The following ACSL5 variants were observed in gnomAD, a reference collection of about 807,000 sequenced individuals.
ACSL5 encodes the protein acyl-CoA synthetase long chain family member 5.
A neutral mutation model predicts 84.9 loss-of-function variants in ACSL5; 50 were observed. That is an observed-to-expected ratio of 0.59 (90% CI 0.47 to 0.75). The LOEUF is 0.75. Among genes scored for constraint, ACSL5 ranks in the 30% least tolerant of loss-of-function variants. The pLI, the probability that ACSL5 is intolerant of heterozygous loss-of-function variation, is 0.00. For missense variants in ACSL5, 775 were observed against 830.4 expected, an observed-to-expected ratio of 0.93 and a Z score of 0.82; for synonymous variants, 280 against 300.7, an observed-to-expected ratio of 0.93 and a Z score of 0.71.
chr10:112,411,528 AGGTCAGT>A lies in ACSL5; in HGVS notation c.870+7_870+13del. 6.2e-7 allele frequency: 1 copy of A among 1,612,508 alleles called. No individual in the cohort carries two copies. The highest frequency in any genetic ancestry group is 1.1e-5 in the South Asian group (1 of 91,046). ...GCTGCTGCCTTTCTCAAATGTGTGG[AGGTCAGT>A]GGTCAGTTGAAAAAGAGGCTCTCAT... is the stretch of plus-strand genomic sequence containing the variant. On this transcript the variant is annotated splice_donor_variant and splice_donor_5th_base_variant and coding_sequence_variant and intron_variant, in exon 10 of 21. Transcript: ENST00000354655. LOFTEE classifies it high-confidence loss of function.
rs754570495 is a variant in ACSL5 at position 112,408,495 on chromosome 10, A to C, written c.506A>C (p.Glu169Ala). 3.7e-6 allele frequency: 6 copies of C among 1,612,708 alleles called. No homozygotes were observed. The highest frequency in any genetic ancestry group is 4.5e-5 in the East Asian group (2 of 44,876). The change falls in exon 6 of 21, where the codon GAA (glutamate) becomes GCA (alanine). Residue 169 changes from glutamate to alanine, a missense_variant. Glu to Ala is a moderately radical substitution (Grantham distance 107). Transcript: ENST00000354655. ...CCTCTGTATGACACCTTGGGACCAG[A>C]AGCCATCGTACATATTGTCAACAAG... ...AVPLYDTLGP[E>A]AIVHIVNKAD...
intron 3 of ACSL5, among the ~76,000 whole-genome samples, chr10:112,399,921 GC>G (rs2133602909): frequency 6.6e-6 from 1 of 152,332 alleles, no homozygotes; most frequent in South Asian, 2.1e-4. Flanking sequence ...AAATGTCAGA[GC>G]TGATAGGAAA....
intron 12 of ACSL5, among the ~76,000 whole-genome samples, chr10:112,414,329 AT>A (rs201652931): frequency 4.0e-5 from 5 of 125,882 alleles, no homozygotes; most frequent in African/African-American, 5.9e-5. Flanking sequence ...TAATTTTCAG[AT>A]TTTTTTTTAA....
intron 14 of ACSL5, 119 bp downstream of exon 14, chr10:112,418,060 A>C: frequency 1.3e-6 from 1 of 765,118 alleles, no homozygotes; most frequent in African/African-American, 1.8e-5. Context: ...TAAATTCTCA[A>C]AATCCAAAGA....
intron 1 of ACSL5, among the ~76,000 whole-genome samples, chr10:112,388,504 G>A (rs1849497223): frequency 6.6e-6 from 1 of 152,104 alleles, no homozygotes; most frequent in African/African-American, 2.4e-5. Context: ...GTACTGCAGG[G>A]AAAATGAGTT....
At chr10:112,398,877 C>T (rs1284654262) in intron 2 of ACSL5, 24 bp from the exon 3 acceptor site, 1 of 1,601,156 alleles carries the variant, frequency 6.2e-7, no homozygotes, top group South Asian at 1.1e-5. Flanking sequence ...TTGAACTTGG[C>T]CTAAACTTGG....
chr10:112,389,414 C>T (rs1336894035), intron 1 of ACSL5, among the ~76,000 whole-genome samples: 1 of 152,144 alleles, frequency 6.6e-6, no homozygotes, highest in Non-Finnish European at 1.5e-5. Flanking sequence ...GTCACCATCA[C>T]CACGTCAAAA....
At position 112,427,520 on chromosome 10, in the gene ACSL5, A is replaced by T. The variant is rs1388384410; in HGVS notation, c.*162A>T. The T allele has an allele frequency of 3.6e-6, 2 of 551,246 alleles. No homozygotes were observed. The highest frequency in any genetic ancestry group is 5.8e-6 in the Non-Finnish European group (2 of 343,884). 34.1% of individuals were successfully genotyped at this position (551,246 alleles called of 1,614,324 possible). On this transcript the variant is annotated 3_prime_UTR_variant, in exon 21 of 21. Coordinates refer to ENST00000354655, the MANE Select transcript of ACSL5 (RefSeq NM_203379.2). Reference sequence around the variant, plus strand: ...TTATATTGAGACATATAATGTGTAAACTTAGTTCCCAAATAAATCAATCCT... The same window carrying T: ...TTATATTGAGACATATAATGTGTAATCTTAGTTCCCAAATAAATCAATCCT...
intron 12 of ACSL5, among the ~76,000 whole-genome samples, chr10:112,415,570 T>C (rs1257656363): frequency 6.6e-6 from 1 of 152,224 alleles, no homozygotes; most frequent in East Asian, 1.9e-4. Flanking sequence ...ATTCTAAGAA[T>C]GGCATGATGC....
At chr10:112,396,686 TCACACA>T (rs140558643) in intron 2 of ACSL5, among the ~76,000 whole-genome samples, 23 of 149,368 alleles carry the variant, frequency 1.5e-4, no homozygotes, top group Non-Finnish European at 2.5e-4. Flanking sequence ...TTTTCTCCCT[TCACACA>T]CACACACACA....
In ACSL5 at chr10:112,375,059, A is replaced by AT. The variant is rs1369642546; in HGVS notation, c.-30+790_-30+791insT. 1.7e-3 allele frequency among the ~76,000 whole-genome samples: 251 copies of AT among 145,382 alleles called. 1 individual carries two copies. Among genetic ancestry groups the AT allele is most frequent in the Admixed American group, 5.2e-3 (77 of 14,802 alleles). ...TTTACTGGAGGAGGTCAATAAAAAA[A>AT]AAAGAAATAAAACCTCATCTTCCCC... On this transcript the variant is annotated intron_variant, in intron 1 of 20. Transcript: ENST00000354655.
At chr10:112,401,826 TTC>T (rs759229992) in intron 3 of ACSL5, among the ~76,000 whole-genome samples, 87 of 115,782 alleles carry the variant, frequency 7.5e-4, no homozygotes, top group Non-Finnish European at 1.3e-3. Flanking sequence ...CTTTCTTTCT[TTC>T]TTTCTTTCTT....
chr10:112,378,039 A>G (rs1849274265), intron 1 of ACSL5, among the ~76,000 whole-genome samples: 1 of 152,118 alleles, frequency 6.6e-6, no homozygotes, highest in Non-Finnish European at 1.5e-5. Context: ...GGGCAAAGAC[A>G]CCAACAACAA....
At chr10:112,388,884 G>A (rs1461534593) in intron 1 of ACSL5, among the ~76,000 whole-genome samples, 2 of 152,210 alleles carry the variant, frequency 1.3e-5, no homozygotes, top group Admixed American at 1.3e-4. Context: ...AAATGTTCCA[G>A]GCAAAGAGAA....
intron 2 of ACSL5, among the ~76,000 whole-genome samples, chr10:112,398,700 C>T (rs1344174342): frequency 6.6e-6 from 1 of 152,126 alleles, no homozygotes; most frequent in Non-Finnish European, 1.5e-5. Flanking sequence ...CCACCGAGCC[C>T]AGCCACTTTC....
rs1408584473 is a variant in ACSL5, at chr10:112,425,426, T to C, written c.1682T>C (p.Ile561Thr). The change falls in exon 18 of 21, where the codon ATC becomes ACC. Residue 561 changes from isoleucine to threonine, a missense_variant. Coordinates refer to ENST00000354655, the MANE Select transcript of ACSL5 (RefSeq NM_203379.2). ...ATTGCACCAGAGAAGATAGAAAATATCTACAACAGGAGTCAACCAGTGTTA... is the reference window on the plus strand; with the variant it reads ...ATTGCACCAGAGAAGATAGAAAATACCTACAACAGGAGTCAACCAGTGTTA... ...EYIAPEKIEN[I>T]YNRSQPVLQI... The C allele has an allele frequency of 2.5e-6, 4 of 1,613,518 alleles. No homozygotes were observed. Among genetic ancestry groups the C allele is most frequent in the Non-Finnish European group, 3.4e-6 (4 of 1,179,828 alleles).
rs527977518 is a variant in ACSL5, at chr10:112,422,851, CAAA to C, written c.1593+424_1593+426del. Among the ~76,000 whole-genome samples, 8 of 56,678 alleles carry C rather than the reference CAAA, an allele frequency of 1.4e-4. No homozygotes were observed. The East Asian group carries it at 3.6e-3, about 26-fold the overall frequency. 37.2% of individuals were successfully genotyped at this position (56,678 alleles called of 152,430 possible). Reference sequence around the variant, plus strand: ...AGCCTGGGTGACAGAGACTCTGTCTCAAAAAAAAAAAAAAAAGAACATACAATT... The same window carrying C: ...AGCCTGGGTGACAGAGACTCTGTCTCAAAAAAAAAAAAAGAACATACAATT... On this transcript the variant is annotated intron_variant, in intron 17 of 20. Coordinates refer to ENST00000354655, the MANE Select transcript of ACSL5 (RefSeq NM_203379.2).
At chr10:112,388,115 T>C (rs933434763) in intron 1 of ACSL5, among the ~76,000 whole-genome samples, 1 of 152,056 alleles carries the variant, frequency 6.6e-6, no homozygotes, top group Admixed American at 6.5e-5. Context: ...ACTTTTTGTA[T>C]TTTTGGTAGA....
chr10:112,423,055 G>A (rs1357957082), intron 17 of ACSL5, among the ~76,000 whole-genome samples: 1 of 140,310 alleles, frequency 7.1e-6, no homozygotes. Context: ...GGGCGTGGTG[G>A]TGGGCGCCTG....
Sources: allele counts gnomAD v4.1 joint callset (sites outside exome capture counted in the v4.1 genomes callset), GRCh38; gene constraint gnomAD v4.1.1; transcripts MANE v1.5; gene names NCBI Gene and HGNC (gene_info 2026-07-23, HGNC 2026-07-21).